The following CREBBP variants were observed in gnomAD, a reference collection of about 807,000 sequenced individuals.
CREBBP encodes CREB-binding protein.
Under a neutral mutation model 265.0 loss-of-function variants are expected in CREBBP, and 19 were observed. The ratio of observed to expected loss-of-function variants is 0.07; its 90% CI spans 0.05 to 0.11. CREBBP has a LOEUF of 0.11. Among genes scored for constraint, CREBBP ranks in the 10% least tolerant of loss-of-function variants. The pLI, the probability that CREBBP is intolerant of heterozygous loss-of-function variation, is 1.00. For synonymous variants in CREBBP, 1,457 were observed against 1,223.7 expected (o/e 1.19, Z -3.98); for missense variants, 2,525 against 3,219.0 (o/e 0.78, Z 5.22).
chr16:3,807,898 G>T (rs1567329216), intron 3 of CREBBP, among the ~76,000 whole-genome samples: 1 of 152,138 alleles, frequency 6.6e-6, no homozygotes, highest in Admixed American at 6.5e-5. Flanking sequence ...GCACACGTGG[G>T]CACAGCCCCA....
chr16:3,801,862 T>A (rs999267012), intron 3 of CREBBP, among the ~76,000 whole-genome samples: 2 of 151,858 alleles, frequency 1.3e-5, no homozygotes, highest in Non-Finnish European at 2.9e-5. Flanking sequence ...AGGAGGTGAG[T>A]ATGGTGTGAG....
intron 4 of CREBBP, 107 bp from the exon 5 acceptor site, chr16:3,792,201 T>G: frequency 1.0e-6 from 1 of 972,164 alleles, no homozygotes. Flanking sequence ...GTAACAAGTG[T>G]AACCATAACA....
intron 3 of CREBBP, among the ~76,000 whole-genome samples, chr16:3,795,454 A>G (rs1204230558): frequency 2.0e-5 from 3 of 152,040 alleles, no homozygotes; most frequent in Non-Finnish European, 4.4e-5. Flanking sequence ...CCTGCAACAC[A>G]CATGTTTTGC....
chr16:3,777,461 C>A lies in CREBBP; in HGVS notation c.2158+152G>T, dbSNP rs766191400. 9.3e-5 allele frequency: 74 copies of A among 794,388 alleles called. 4 individuals carry two copies. The South Asian group carries it at 1.1e-3, about 12-fold the overall frequency. 49.2% of individuals were successfully genotyped at this position (794,388 alleles called of 1,614,324 possible). On this transcript the variant is annotated intron_variant, in intron 11 of 30. Coordinates refer to ENST00000262367, the MANE Select transcript of CREBBP (RefSeq NM_004380.3). ...ACTTCATACTATAAACATATCCATA[C>A]TACCTGTAGAACTGAATTCTGCTTA...
At chr16:3,838,927 A>C (rs79521851) in intron 2 of CREBBP, among the ~76,000 whole-genome samples, 2 of 152,166 alleles carry the variant, frequency 1.3e-5, no homozygotes, top group African/African-American at 4.8e-5. Context: ...TTGTGTGGCT[A>C]TCTCAAATAT....
At chr16:3,778,638 CA>C in intron 9 of CREBBP, 61 bp downstream of exon 9, 1 of 1,305,054 alleles carries the variant, frequency 7.7e-7, no homozygotes, top group Non-Finnish European at 1.1e-6. Flanking sequence ...ACAAAGCAGA[CA>C]AATGTAGTGC....
At chr16:3,853,464 G>T (rs2054896623) in intron 1 of CREBBP, among the ~76,000 whole-genome samples, 1 of 151,888 alleles carries the variant, frequency 6.6e-6, no homozygotes, top group Non-Finnish European at 1.5e-5. Context: ...TAAAAAATCA[G>T]CCAGGTGTGG....
chr16:3,777,819 GGGC>G, intron 10 of CREBBP, 162 bp from the exon 11 acceptor site: 1 of 1,074,708 alleles, frequency 9.3e-7, no homozygotes, highest in African/African-American at 1.6e-5. Flanking sequence ...ACCCTGTAAA[GGGC>G]CTTCCCAAGA....
chr16:3,732,287 C>T lies in CREBBP; in HGVS notation c.4729-350G>A, dbSNP rs74671628. ...GATTCCACGTCACAACTGTGGTCAG[C>T]AGCTGTCTGCCTTGAGGAAGGCTCT... On this transcript the variant is annotated intron_variant, in intron 28 of 30. Transcript: ENST00000262367. Among the ~76,000 whole-genome samples the T allele has an allele frequency of 3.5e-3, 535 of 152,288 alleles. 2 individuals carry two copies. Among genetic ancestry groups the T allele is most frequent in the African/African-American group, 0.011 (452 of 41,566 alleles).
At chr16:3,785,869 G>T (rs1247756226) in intron 5 of CREBBP, among the ~76,000 whole-genome samples, 1 of 152,074 alleles carries the variant, frequency 6.6e-6, no homozygotes, top group Non-Finnish European at 1.5e-5. Flanking sequence ...GGTTCTTCTG[G>T]GCCCATCAGG....
rs759908211 is a variant in CREBBP at position 3,728,599 on chromosome 16, G to T, written c.6448C>A (p.Pro2150Thr). 10 of 1,613,594 alleles carry T rather than the reference G, an allele frequency of 6.2e-6. No individual in the cohort carries two copies. Among genetic ancestry groups the T allele is most frequent in the Middle Eastern group, 1.6e-4 (1 of 6,084 alleles). Residue 2150 changes from proline to threonine, a missense_variant, in exon 31 of 31, where the codon CCG (proline) becomes ACG (threonine). Coordinates refer to ENST00000262367, the MANE Select transcript of CREBBP (RefSeq NM_004380.3). This position sits in a 1 kb window ranked among gnomAD's most constrained non-coding sequence, Gnocchi z 8.7. Reference protein sequence around the residue: ...QNLNAMQAGVPRPGVPPQQQA... With the variant: ...QNLNAMQAGVTRPGVPPQQQA... The stretch of plus-strand genomic sequence containing the variant: ...TGCTGTGGAGGCACACCGGGCCGCG[G>T]CACGCCAGCCTGCATGGCATTCAGG...
intron 2 of CREBBP, among the ~76,000 whole-genome samples, chr16:3,838,080 G>A (rs8049796): frequency 3.9e-5 from 6 of 152,054 alleles, no homozygotes; most frequent in Non-Finnish European, 7.4e-5. Flanking sequence ...GTGATCCTCC[G>A]GCCTCACCCT....
intron 2 of CREBBP, among the ~76,000 whole-genome samples, chr16:3,849,436 T>TGTGTGTGTGTGTGTG (rs2054758296): frequency 8.8e-4 from 10 of 11,400 alleles, no homozygotes; most frequent in Non-Finnish European, 5.0e-3. Flanking sequence ...TGTGTGTGTG[T>TGTGTGTGTGTGTGTG]GTGTGTGTGT....
intron 2 of CREBBP, among the ~76,000 whole-genome samples, chr16:3,815,377 T>C (rs2054017409): frequency 6.6e-6 from 1 of 151,630 alleles, no homozygotes; most frequent in Non-Finnish European, 1.5e-5. Context: ...CCATCTCTAC[T>C]AAAAATACAA....
At chr16:3,822,377 A>G (rs2054158399) in intron 2 of CREBBP, among the ~76,000 whole-genome samples, 1 of 152,236 alleles carries the variant, frequency 6.6e-6, no homozygotes, top group Non-Finnish European at 1.5e-5. Context: ...CAAGGCTTTA[A>G]GACAGACAGC....
rs759753540 is a variant in CREBBP at position 3,788,947 on chromosome 16, G to A, written c.1330+3034C>T. On this transcript the variant is annotated intron_variant, in intron 5 of 30. Transcript: ENST00000262367. ...AGTCTGGGTGACAGAGCAAGACTCC[G>A]TCTCAAAACAAACCAACCAACCAAA... is the stretch of plus-strand genomic sequence containing the variant. 3.9e-5 allele frequency among the ~76,000 whole-genome samples: 6 copies of A among 152,174 alleles called. 1 individual carries two copies. Among genetic ancestry groups the A allele is most frequent in the South Asian group, 4.1e-4 (2 of 4,824 alleles).
At position 3,783,008 on chromosome 16, in the gene CREBBP, G is replaced by C. The variant is rs1488155936; in HGVS notation, c.1331-82C>G. On this transcript the variant is annotated intron_variant, in intron 5 of 30. Coordinates refer to ENST00000262367, the MANE Select transcript of CREBBP (RefSeq NM_004380.3). ...CCACGAATGATTTAAAAACTATTGA[G>C]AAGCAAATACATTTCATCAAAATAC... The C allele has an allele frequency of 3.2e-6, 5 of 1,547,210 alleles. No individual in the cohort carries two copies. In the African/African-American group the frequency reaches 4.1e-5, roughly 13 times the overall value.
At chr16:3,763,844 CTT>C (rs763039340) in intron 16 of CREBBP, among the ~76,000 whole-genome samples, 8 of 134,282 alleles carry the variant, frequency 6.0e-5, no homozygotes, top group Middle Eastern at 3.8e-3. Flanking sequence ...AAAAAGCAAT[CTT>C]TTTTTTTTTT....
chr16:3,849,445 GTGTGTGTGTGTGT>G (rs2054767417), intron 2 of CREBBP, among the ~76,000 whole-genome samples: 4 of 24,188 alleles, frequency 1.7e-4, no homozygotes, highest in Non-Finnish European at 6.5e-4. Flanking sequence ...GTGTGTGTGT[GTGTGTGTGTGTGT>G]GTGTGTGTGT....
Sources: gnomAD v4.1 joint callset for allele counts (sites outside exome capture counted in the v4.1 genomes callset) on GRCh38, gnomAD v4.1.1 for gene constraint, Gnocchi (gnomAD v3.1) non-coding constraint, MANE v1.5 for transcripts, NCBI Gene and HGNC (gene_info 2026-07-23, HGNC 2026-07-21) for gene names.